The following DLGAP4 variants were observed in gnomAD, a reference collection of about 807,000 sequenced individuals.
The protein encoded by DLGAP4 is disks large-associated protein 4.
Under a neutral mutation model 86.9 loss-of-function variants are expected in DLGAP4, and 18 were observed. The ratio of observed to expected loss-of-function variants is 0.21; its 90% confidence interval spans 0.14 to 0.31. DLGAP4 has a LOEUF of 0.31. Ranked by LOEUF, DLGAP4 falls within the 10% of genes least tolerant of loss-of-function variation. The pLI is 1.00. For synonymous variants in DLGAP4, 548 were observed against 574.3 expected (o/e 0.95, Z 0.65); for missense variants, 1,085 against 1,362.6 (o/e 0.80, Z 3.21).
Position 36,439,794 on chromosome 20 carries a change from T to G in DLGAP4, c.1282T>G (p.Ser428Ala). ...GGATTCAGTGGACATGCTGCTGCCC[T>G]CCAAGTGTCCGAGCTGGGAAGAGGA... ...RLDSVDMLLP[S>A]KCPSWEEDYT... is the part of the protein sequence containing the mutation. The change falls in exon 5 of 13, where the codon TCC (serine) becomes GCC (alanine). Residue 428 changes from serine to alanine, a missense_variant. Ser to Ala is a moderately conservative substitution (Grantham distance 99). Around this residue, in one of 2 missense-constraint regions of DLGAP4, gnomAD observed 1,082 missense variants for 1,344.1 expected, o/e 0.81. Transcript: ENST00000339266. 6.2e-7 allele frequency: 1 copy of G among 1,613,534 alleles called. No individual in the cohort carries two copies. The highest frequency in any genetic ancestry group is 2.2e-5 in the East Asian group (1 of 44,844).
chr20:36,393,063 T>C lies in DLGAP4; in HGVS notation c.-73+25788T>C, dbSNP rs1310588051. Reference sequence around the variant, plus strand: ...GAAAGGGAGGCTGGGGGCGGGGGAATGGGTGGGGTAGGAATGTTCAGGAAG... The same window carrying C: ...GAAAGGGAGGCTGGGGGCGGGGGAACGGGTGGGGTAGGAATGTTCAGGAAG... On this transcript the variant is annotated intron_variant, in intron 2 of 12. Transcript: ENST00000339266. The surrounding 1 kb of genome is among the most constrained non-coding windows in gnomAD (Gnocchi z 4.4). Among the ~76,000 whole-genome samples the C allele has an allele frequency of 8.1e-6, 1 of 124,186 alleles. No individual in the cohort carries two copies. Among genetic ancestry groups the C allele is most frequent in the South Asian group, 2.6e-4 (1 of 3,844 alleles). The allele number at this position is 124,186 out of a possible 152,430, so 81.5% of individuals were successfully genotyped here. A position where few individuals can be genotyped will look rare whatever the true frequency, so the allele number is the denominator to read the frequency against.
chr20:36,342,708 G>A (rs972769076), intron 1 of DLGAP4, among the ~76,000 whole-genome samples: 1 of 152,236 alleles, frequency 6.6e-6, no homozygotes, highest in Non-Finnish European at 1.5e-5. Flanking sequence ...CTGCCGCATA[G>A]TCCTGGTGGG....
chr20:36,348,893 G>A (rs1555893229), intron 1 of DLGAP4, among the ~76,000 whole-genome samples: 2 of 151,252 alleles, frequency 1.3e-5, no homozygotes, highest in African/African-American at 4.9e-5. Context: ...CTGAGGTCAG[G>A]AGTTCAAGAC....
At chr20:36,321,605 C>T (rs1039864137) in intron 1 of DLGAP4, among the ~76,000 whole-genome samples, 1 of 152,240 alleles carries the variant, frequency 6.6e-6, no homozygotes, top group Non-Finnish European at 1.5e-5. Flanking sequence ...CATCTGCGCC[C>T]GAGTCTAGGA....
chr20:36,462,144 G>T, intron 7 of DLGAP4: 1 of 1,025,348 alleles, frequency 9.8e-7, no homozygotes, highest in Non-Finnish European at 1.2e-6. Context: ...CCTCTTCTGG[G>T]TGTTCCCCAT....
rs1459652987 is a variant in DLGAP4 at position 36,446,793 on chromosome 20, C to T, written c.1504C>T (p.Leu502=). ...STAAETLDLP[L]PSYFRSRSHS... ...AGCGGCAGAGACGCTTGACTTGCCA[C>T]TGCCCAGCTACTTCCGCTCCCGCAG... The change falls in exon 7 of 13, where the codon CTG becomes TTG. Residue 502 remains leucine, a synonymous_variant. Coordinates refer to ENST00000339266, the MANE Select transcript of DLGAP4 (RefSeq NM_001365621.2). 6.2e-7 allele frequency: 1 copy of T among 1,612,650 alleles called. No homozygotes were observed. Among genetic ancestry groups the T allele is most frequent in the South Asian group, 1.1e-5 (1 of 90,976 alleles).
At chr20:36,313,471 T>C (rs2065070098) in intron 1 of DLGAP4, among the ~76,000 whole-genome samples, 1 of 151,862 alleles carries the variant, frequency 6.6e-6, no homozygotes, top group South Asian at 2.1e-4. Flanking sequence ...CTGCCTTTTC[T>C]GAACAGTGTG....
chr20:36,431,189 TG>T lies in DLGAP4; in HGVS notation c.-72-453del, dbSNP rs1336610769. ...GTGGACCCTGCCACAGGGACCATCC[TG>T]GGGTTCCGGGATGACTGTTTGGGGG... On this transcript the variant is annotated intron_variant, in intron 2 of 12. Transcript: ENST00000339266. The surrounding 1 kb of genome is among the most constrained non-coding windows in gnomAD (Gnocchi z 5.1). Among the ~76,000 whole-genome samples, 8 of 152,124 alleles carry T rather than the reference TG, an allele frequency of 5.3e-5. No individual in the cohort carries two copies. Among genetic ancestry groups the T allele is most frequent in the Non-Finnish European group, 1.0e-4 (7 of 67,994 alleles).
intron 1 of DLGAP4, among the ~76,000 whole-genome samples, chr20:36,344,870 C>T (rs2029890688): frequency 1.3e-5 from 2 of 152,188 alleles, no homozygotes; most frequent in Admixed American, 1.3e-4. Context: ...CTTCCCTAGG[C>T]ACATCGAGTC....
At chr20:36,371,246 C>A (rs1569475647) in intron 2 of DLGAP4, among the ~76,000 whole-genome samples, 1 of 152,158 alleles carries the variant, frequency 6.6e-6, no homozygotes, top group Non-Finnish European at 1.5e-5. Flanking sequence ...TGTCATGGAG[C>A]GGGGTAGTCT....
intron 7 of DLGAP4, among the ~76,000 whole-genome samples, chr20:36,473,975 C>T (rs2034794760): frequency 6.6e-6 from 1 of 152,216 alleles, no homozygotes; most frequent in Non-Finnish European, 1.5e-5. Flanking sequence ...AGACCTTGGA[C>T]AAGGTACTTA....
In DLGAP4 at chr20:36,420,883, G is replaced by A. The variant is rs531859572; in HGVS notation, c.-72-10763G>A. On this transcript the variant is annotated intron_variant, in intron 2 of 12. Coordinates refer to ENST00000339266, the MANE Select transcript of DLGAP4 (RefSeq NM_001365621.2). ...AGCTACTCTGGAGGCTGAGGCAGGA[G>A]AATCGCTTGAACCTGGGAGGCGGAG... Among the ~76,000 whole-genome samples, 5 of 152,104 alleles carry A rather than the reference G, an allele frequency of 3.3e-5. No homozygotes were observed. The South Asian group carries it at 1.0e-3, about 32-fold the overall frequency.
chr20:36,459,435 G>A (rs1201988462), intron 7 of DLGAP4, among the ~76,000 whole-genome samples: 2 of 152,010 alleles, frequency 1.3e-5, no homozygotes, highest in African/African-American at 4.8e-5. Flanking sequence ...GGAGTGCCGT[G>A]GCAGGATCAC....
In DLGAP4 at chr20:36,528,156, C is replaced by A. The variant is rs1223411141; in HGVS notation, c.*1125C>A. The A allele has an allele frequency of 1.3e-5, 2 of 150,492 alleles. No individual in the cohort carries two copies. The highest frequency in any genetic ancestry group is 3.0e-5 in the Non-Finnish European group (2 of 67,486). 9.3% of individuals were successfully genotyped at this position (150,492 alleles called of 1,614,324 possible). On this transcript the variant is annotated 3_prime_UTR_variant, in exon 13 of 13. Coordinates refer to ENST00000339266, the MANE Select transcript of DLGAP4 (RefSeq NM_001365621.2). ...CAGCCCTTTTTTTTTTTGGTCTCCA[C>A]CCCCCTCCCCCCGCCCCGCACTCCT... is the stretch of plus-strand genomic sequence containing the variant.
chr20:36,526,203 C>T, intron 12 of DLGAP4, 197 bp downstream of exon 12: 3 of 738,316 alleles, frequency 4.1e-6, no homozygotes, highest in Non-Finnish European at 6.8e-6. Flanking sequence ...TTGAGGCTGC[C>T]CCTGAAGCAT....
chr20:36,445,360 C>T (rs907375566), intron 6 of DLGAP4, among the ~76,000 whole-genome samples: 38 of 151,990 alleles, frequency 2.5e-4, no homozygotes, highest in African/African-American at 9.2e-4. Flanking sequence ...AAAAATTAGC[C>T]GGGCATGGTG....
At chr20:36,501,525 C>G (rs1028464051) in intron 10 of DLGAP4, among the ~76,000 whole-genome samples, 6 of 152,334 alleles carry the variant, frequency 3.9e-5, no homozygotes, top group African/African-American at 1.4e-4. Context: ...CAAGAAAGTG[C>G]TAGACACGTG....
intron 2 of DLGAP4, among the ~76,000 whole-genome samples, chr20:36,419,655 T>C (rs4504054): frequency 0.86 from 130,388 of 152,248 alleles, 56,404 homozygotes; most frequent in East Asian, 1. Flanking sequence ...TCCAAGGTGG[T>C]TCACCCACAG....
chr20:36,416,431 C>T (rs980132618), intron 2 of DLGAP4, among the ~76,000 whole-genome samples: 2 of 152,174 alleles, frequency 1.3e-5, no homozygotes, highest in Non-Finnish European at 2.9e-5. Context: ...TAAACCATGA[C>T]ATTTTTGAGA....
Sources: gnomAD v4.1 joint callset for allele counts (sites outside exome capture counted in the v4.1 genomes callset) on GRCh38, gnomAD v4.1.1 for gene constraint, gnomAD v4.1.1 regional missense constraint, Gnocchi (gnomAD v3.1) non-coding constraint, MANE v1.5 for transcripts, NCBI Gene and HGNC (gene_info 2026-07-23, HGNC 2026-07-21) for gene names.